The following NGEF variants were observed in gnomAD, a reference collection of about 807,000 sequenced individuals.
NGEF encodes ephexin-1.
Under a neutral mutation model 80.9 loss-of-function variants are expected in NGEF, and 31 were observed. The ratio of observed to expected loss-of-function variants is 0.38; its 90% confidence interval spans 0.29 to 0.52. The LOEUF is 0.52. NGEF is among the 20% of genes least tolerant of loss of function. The probability of loss-of-function intolerance (pLI) is 0.84; values close to 1 mark genes in which losing one functional copy is unlikely to be tolerated. For synonymous variants in NGEF, 371 were observed against 370.2 expected (o/e 1.00, Z -0.03); for missense variants, 709 against 926.2 (o/e 0.77, Z 3.04).
At chr2:232,930,451 C>G (rs1693195346) in intron 3 of NGEF, among the ~76,000 whole-genome samples, 1 of 152,102 alleles carries the variant, frequency 6.6e-6, no homozygotes, top group Non-Finnish European at 1.5e-5. Context: ...TCCCAAGCAG[C>G]TGGGACTACA....
chr2:232,937,932 TAGTGA>T (rs1693361183), intron 3 of NGEF, among the ~76,000 whole-genome samples: 1 of 152,206 alleles, frequency 6.6e-6, no homozygotes, highest in Non-Finnish European at 1.5e-5. Context: ...TTCGGTGTTT[TAGTGA>T]AGTGAAGAGT....
intron 1 of NGEF, among the ~76,000 whole-genome samples, chr2:233,003,353 C>T (rs563282447): frequency 3.5e-4 from 53 of 152,324 alleles, no homozygotes; most frequent in South Asian, 6.2e-4. Context: ...CGATCCCAGC[C>T]TATTTCTGAT....
intron 1 of NGEF, among the ~76,000 whole-genome samples, chr2:232,980,002 A>G (rs572028086): frequency 6.6e-5 from 10 of 152,270 alleles, no homozygotes; most frequent in African/African-American, 2.4e-4. Flanking sequence ...CCAAGGTCGC[A>G]TGGCTGGCAA....
At chr2:232,977,689 C>T (rs545606891) in intron 1 of NGEF, among the ~76,000 whole-genome samples, 4 of 152,120 alleles carry the variant, frequency 2.6e-5, no homozygotes, top group Non-Finnish European at 5.9e-5. Flanking sequence ...TCTGTGGAGG[C>T]CTCTGACTGC....
At chr2:232,899,998 GCT>G (rs1347850808) in intron 5 of NGEF, among the ~76,000 whole-genome samples, 3 of 84,920 alleles carry the variant, frequency 3.5e-5, no homozygotes, top group African/African-American at 5.4e-5. Flanking sequence ...ACTCACACAC[GCT>G]CTCACAGTCA....
chr2:232,909,161 G>GT (rs1365776795), intron 5 of NGEF, among the ~76,000 whole-genome samples: 1 of 151,940 alleles, frequency 6.6e-6, no homozygotes, highest in African/African-American at 2.4e-5. Flanking sequence ...GCCACCAACA[G>GT]TTTTTTATTA....
In NGEF at chr2:232,963,964, A is replaced by G. The variant is rs530986480; in HGVS notation, c.383+6250T>C. On this transcript the variant is annotated intron_variant, in intron 3 of 14. Coordinates refer to ENST00000264051, the MANE Select transcript of NGEF (RefSeq NM_019850.3). The stretch of plus-strand genomic sequence containing the variant: ...TGGTTAGGCATCTTAAACAGGCACC[A>G]TGAATGGCCAATAAACATATGAAAA... 1.1e-3 allele frequency among the ~76,000 whole-genome samples: 166 copies of G among 152,342 alleles called. 1 individual carries two copies. In the Middle Eastern group the frequency reaches 0.02, roughly 19 times the overall value.
chr2:232,989,452 AAAACAAAC>A (rs138072212), intron 1 of NGEF, among the ~76,000 whole-genome samples: 2 of 152,214 alleles, frequency 1.3e-5, no homozygotes, highest in African/African-American at 2.4e-5. Context: ...GCCTCAAAAC[AAAACAAAC>A]AAACAAACAA....
chr2:232,907,547 CAG>C lies in NGEF; in HGVS notation c.829-12633_829-12632del, dbSNP rs1383671289. Among the ~76,000 whole-genome samples, 13 of 152,292 alleles carry C rather than the reference CAG, an allele frequency of 8.5e-5. No individual in the cohort carries two copies. In the East Asian group the frequency reaches 2.1e-3, roughly 25 times the overall value. Reference sequence around the variant, plus strand: ...TTAACATAAAAAGACGATAAAAAATCAGAGTGACACACTGAAGCCTGCGTGCT... The same window carrying C: ...TTAACATAAAAAGACGATAAAAAATCAGTGACACACTGAAGCCTGCGTGCT... On this transcript the variant is annotated intron_variant, in intron 5 of 14. Transcript: ENST00000264051.
At chr2:232,975,554 A>G (rs1334695996) in intron 1 of NGEF, among the ~76,000 whole-genome samples, 1 of 152,162 alleles carries the variant, frequency 6.6e-6, no homozygotes, top group Non-Finnish European at 1.5e-5. Flanking sequence ...GGGCTGGAGA[A>G]ACAGAATGGT....
At chr2:232,886,624 A>T (rs114722246) in intron 9 of NGEF, among the ~76,000 whole-genome samples, 93,566 of 151,024 alleles carry the variant, frequency 0.62, 29,068 homozygotes, top group East Asian at 0.66. Flanking sequence ...TTCATTTTTA[A>T]AAAAAAAAGC....
chr2:232,904,717 G>A (rs141284170), intron 5 of NGEF, among the ~76,000 whole-genome samples: 1,927 of 152,290 alleles, frequency 0.013, 17 homozygotes, highest in Admixed American at 0.019. Context: ...GCTGAGGCAG[G>A]AGGATTGCTT....
chr2:232,895,353 C>T (rs775469099), intron 5 of NGEF, among the ~76,000 whole-genome samples: 9 of 151,980 alleles, frequency 5.9e-5, no homozygotes, highest in Non-Finnish European at 1.2e-4. Context: ...ATGGTAAAAC[C>T]CTGTCTCTAC....
rs556146106 is a variant in NGEF, at chr2:232,886,761, G to A, written c.1347+1272C>T. Among the ~76,000 whole-genome samples the A allele has an allele frequency of 2.0e-5, 3 of 152,378 alleles. No individual in the cohort carries two copies. The South Asian group carries it at 6.2e-4, about 32-fold the overall frequency. The stretch of plus-strand genomic sequence containing the variant: ...AGGGAGAGCCTTCTGGGGCACGTGG[G>A]CCCCTCACGGGCCATGGTGGCCCCG... On this transcript the variant is annotated intron_variant, in intron 9 of 14. Coordinates refer to ENST00000264051, the MANE Select transcript of NGEF (RefSeq NM_019850.3).
chr2:232,899,792 T>TCACA (rs1253412231), intron 5 of NGEF, among the ~76,000 whole-genome samples: 1 of 98,788 alleles, frequency 1.0e-5, no homozygotes, highest in Non-Finnish European at 2.1e-5. Context: ...TCACTCACAT[T>TCACA]CACTCACACA....
chr2:232,882,134 G>A (rs377159726), intron 13 of NGEF, 52 bp downstream of exon 13: 339 of 1,542,942 alleles, frequency 2.2e-4, no homozygotes, highest in Non-Finnish European at 2.9e-4. Flanking sequence ...TGCGGCATCC[G>A]GCAGGGCCAG....
chr2:232,936,582 A>G (rs1051579470), intron 3 of NGEF, among the ~76,000 whole-genome samples: 1 of 152,172 alleles, frequency 6.6e-6, no homozygotes, highest in Non-Finnish European at 1.5e-5. Context: ...ACCAAGCCTC[A>G]ATAAGAACTC....
At chr2:232,977,330 G>A (rs1002255297) in intron 1 of NGEF, among the ~76,000 whole-genome samples, 2 of 152,192 alleles carry the variant, frequency 1.3e-5, no homozygotes, top group African/African-American at 4.8e-5. Context: ...GGGGCAGAAT[G>A]AGACCCAGAG....
At chr2:232,969,297 AT>A (rs1694132932) in intron 3 of NGEF, among the ~76,000 whole-genome samples, 1 of 148,156 alleles carries the variant, frequency 6.7e-6, no homozygotes, top group Non-Finnish European at 1.5e-5. Flanking sequence ...TTTTTTTTTA[AT>A]GGGGTCTTGC....
Sources: allele counts gnomAD v4.1 joint callset (sites outside exome capture counted in the v4.1 genomes callset), GRCh38; gene constraint gnomAD v4.1.1; transcripts MANE v1.5; gene names NCBI Gene and HGNC (gene_info 2026-07-23, HGNC 2026-07-21).